CSMD1: variants seen among roughly 807,000 people sequenced by gnomAD.
CSMD1 encodes the protein CUB and sushi domain-containing protein 1.
A neutral mutation model predicts 417.5 loss-of-function variants in CSMD1; 213 were observed. The ratio of observed to expected loss-of-function variants is 0.51; its 90% confidence interval spans 0.46 to 0.57. The LOEUF is 0.57. Ranked by LOEUF, CSMD1 falls within the 20% of genes least tolerant of loss-of-function variation. The probability of loss-of-function intolerance (pLI) is 0.00; values close to 1 mark genes in which losing one functional copy is unlikely to be tolerated. For synonymous variants in CSMD1, 2,862 were observed against 1,736.8 expected (o/e 1.65, Z -16.11); for missense variants, 6,923 against 4,529.7 (o/e 1.53, Z -15.17).
intron 1 of CSMD1, among the ~76,000 whole-genome samples, chr8:4,692,165 G>A (rs1806810590): frequency 6.6e-6 from 1 of 152,038 alleles, no homozygotes; most frequent in Non-Finnish European, 1.5e-5. Flanking sequence ...GTCCCTTCTG[G>A]AAACCAGCAG....
chr8:4,909,892 G>T (rs1357864233), intron 1 of CSMD1, among the ~76,000 whole-genome samples: 5 of 152,182 alleles, frequency 3.3e-5, no homozygotes, highest in African/African-American at 1.2e-4. Context: ...GGTTTGCCCA[G>T]CTTTTTCTTC....
chr8:3,780,927 C>A (rs888917637), intron 5 of CSMD1, among the ~76,000 whole-genome samples: 3 of 152,124 alleles, frequency 2.0e-5, no homozygotes, highest in African/African-American at 4.8e-5. Context: ...AAGACCATGG[C>A]TTTCTAAATG....
At chr8:3,021,548 C>T (rs17079099) in intron 51 of CSMD1, among the ~76,000 whole-genome samples, 47,486 of 152,096 alleles carry the variant, frequency 0.31, 8,881 homozygotes, top group African/African-American at 0.52. Flanking sequence ...AGTGTGTCCA[C>T]GCTCACAGTC....
chr8:3,906,653 T>C (rs1207665384), intron 5 of CSMD1, among the ~76,000 whole-genome samples: 3 of 151,138 alleles, frequency 2.0e-5, no homozygotes, highest in Non-Finnish European at 4.4e-5. Flanking sequence ...ATTTGCAAAG[T>C]ACACCTTGCA....
intron 3 of CSMD1, among the ~76,000 whole-genome samples, chr8:4,044,960 C>G (rs577733640): frequency 1.4e-4 from 22 of 152,336 alleles, no homozygotes; most frequent in African/African-American, 4.1e-4. Context: ...TAATTATATT[C>G]AACATCTTGT....
At chr8:3,241,037 T>G (rs1192161639) in intron 26 of CSMD1, among the ~76,000 whole-genome samples, 1 of 147,422 alleles carries the variant, frequency 6.8e-6, no homozygotes, top group Non-Finnish European at 1.5e-5. Flanking sequence ...AAGGAGGGAG[T>G]AGAGGTATCT....
At chr8:4,192,453 T>G (rs999400941) in intron 3 of CSMD1, among the ~76,000 whole-genome samples, 3 of 152,110 alleles carry the variant, frequency 2.0e-5, no homozygotes, top group Non-Finnish European at 4.4e-5. Flanking sequence ...TGTGTGGCTC[T>G]CCGTGAATCT....
At chr8:3,672,549 G>A (rs1348610569) in intron 7 of CSMD1, among the ~76,000 whole-genome samples, 3 of 152,180 alleles carry the variant, frequency 2.0e-5, no homozygotes, top group Non-Finnish European at 2.9e-5. Context: ...TTAAAACAGA[G>A]GTAATAATGG....
At chr8:3,588,698 G>A (rs1800709007) in intron 8 of CSMD1, among the ~76,000 whole-genome samples, 1 of 151,950 alleles carries the variant, frequency 6.6e-6, no homozygotes, top group Non-Finnish European at 1.5e-5. Flanking sequence ...AACCCCCAAA[G>A]CGCAGACAAC....
chr8:4,607,442 T>C (rs1394872117), intron 2 of CSMD1, among the ~76,000 whole-genome samples: 1 of 152,098 alleles, frequency 6.6e-6, no homozygotes, highest in Non-Finnish European at 1.5e-5. Context: ...AAGGAAACTG[T>C]TGAAACAGTT....
chr8:4,762,342 T>A (rs1000455277), intron 1 of CSMD1, among the ~76,000 whole-genome samples: 1 of 152,150 alleles, frequency 6.6e-6, no homozygotes, highest in African/African-American at 2.4e-5. Flanking sequence ...TTTATATTTA[T>A]ACCAGTAAAC....
chr8:4,363,449 T>C (rs1801891187), intron 3 of CSMD1, among the ~76,000 whole-genome samples: 1 of 152,204 alleles, frequency 6.6e-6, no homozygotes, highest in South Asian at 2.1e-4. Flanking sequence ...ATTTAGGGTC[T>C]TTCCAGCTCT....
chr8:3,431,033 G>A (rs899308649), intron 12 of CSMD1, among the ~76,000 whole-genome samples: 1 of 152,040 alleles, frequency 6.6e-6, no homozygotes, highest in Non-Finnish European at 1.5e-5. Flanking sequence ...GCAAGATCAG[G>A]AACCCTGCTA....
chr8:3,623,130 T>C (rs554546268), intron 7 of CSMD1, among the ~76,000 whole-genome samples: 1 of 152,362 alleles, frequency 6.6e-6, no homozygotes, highest in South Asian at 2.1e-4. Context: ...GATGATCAGA[T>C]ATAAATTAGA....
chr8:4,703,794 A>T (rs191610034), intron 1 of CSMD1, among the ~76,000 whole-genome samples: 9 of 152,328 alleles, frequency 5.9e-5, no homozygotes, highest in Non-Finnish European at 1.3e-4. Context: ...AAGAGACCCG[A>T]TCATCAAGCT....
chr8:3,512,315 T>A (rs1797109184), intron 10 of CSMD1, among the ~76,000 whole-genome samples: 2 of 152,198 alleles, frequency 1.3e-5, no homozygotes, highest in Non-Finnish European at 2.9e-5. Flanking sequence ...AGCAACTTAT[T>A]TGTTCTATAC....
At chr8:4,912,593 G>A (rs76388088) in intron 1 of CSMD1, among the ~76,000 whole-genome samples, 3,547 of 152,246 alleles carry the variant, frequency 0.023, 123 homozygotes, top group African/African-American at 0.081. Flanking sequence ...TCAAAAGCCT[G>A]CCTTCCTATT....
At chr8:3,620,962 G>A (rs1253438254) in intron 7 of CSMD1, among the ~76,000 whole-genome samples, 1 of 152,114 alleles carries the variant, frequency 6.6e-6, no homozygotes, top group African/African-American at 2.4e-5. Flanking sequence ...ACTTTAAAGA[G>A]GTAATTAACT....
chr8:3,865,583 A>C (rs1259721026), intron 5 of CSMD1, among the ~76,000 whole-genome samples: 1 of 152,176 alleles, frequency 6.6e-6, no homozygotes, highest in Non-Finnish European at 1.5e-5. Context: ...AGGAGAATTC[A>C]GGTGCCTCTC....
Sources: gnomAD v4.1 joint callset for allele counts (sites outside exome capture counted in the v4.1 genomes callset) on GRCh38, gnomAD v4.1.1 for gene constraint, MANE v1.5 for transcripts, NCBI Gene and HGNC (gene_info 2026-07-23, HGNC 2026-07-21) for gene names.